Variants in SNX9 observed in about 807,000 individuals in gnomAD.
SNX9 encodes the protein sorting nexin 9, also known as sorting nexin-9.
A neutral mutation model predicts 89.4 loss-of-function variants in SNX9; 44 were observed. That is an observed-to-expected ratio of 0.49 (90% confidence interval 0.39 to 0.63). The LOEUF is 0.63. Among genes scored for constraint, SNX9 ranks in the 30% least tolerant of loss-of-function variants. The pLI is 0.00. For synonymous variants in SNX9, 236 were observed against 247.8 expected (o/e 0.95, Z 0.45); for missense variants, 578 against 736.1 (o/e 0.79, Z 2.49).
At chr6:157,834,152 T>TTTTTTG in intron 1 of SNX9, among the ~76,000 whole-genome samples, 1 of 59,110 alleles carries the variant, frequency 1.7e-5, no homozygotes, top group Non-Finnish European at 3.3e-5. Flanking sequence ...CCACTGTGGT[T>TTTTTTG]TTTTTTTTTT....
intron 1 of SNX9, among the ~76,000 whole-genome samples, chr6:157,835,458 G>A (rs1781564957): frequency 6.8e-6 from 1 of 147,792 alleles, no homozygotes; most frequent in African/African-American, 2.5e-5. Context: ...TGTTGCCCAG[G>A]CTGGAGTCCA....
intron 2 of SNX9, among the ~76,000 whole-genome samples, chr6:157,872,213 T>C (rs1782427221): frequency 6.6e-6 from 1 of 152,192 alleles, no homozygotes; most frequent in African/African-American, 2.4e-5. Context: ...AATATTTAGA[T>C]AAAGTTTCTT....
chr6:157,902,750 C>A (rs1395750750), intron 6 of SNX9, among the ~76,000 whole-genome samples: 1 of 152,154 alleles, frequency 6.6e-6, no homozygotes, highest in Non-Finnish European at 1.5e-5. Flanking sequence ...TCACTGCAAC[C>A]CCAACGTCCC....
intron 1 of SNX9, among the ~76,000 whole-genome samples, chr6:157,864,004 A>G (rs1163984573): frequency 6.6e-6 from 1 of 152,170 alleles, no homozygotes; most frequent in Non-Finnish European, 1.5e-5. Flanking sequence ...GTTTATAAAC[A>G]TTTTTCTGTG....
intron 7 of SNX9, among the ~76,000 whole-genome samples, chr6:157,906,776 A>G (rs551748498): frequency 1.3e-5 from 2 of 152,280 alleles, no homozygotes; most frequent in South Asian, 4.1e-4. Context: ...GTTTCATTCC[A>G]CATTTTGATT....
At chr6:157,887,278 G>A (rs1372052783) in intron 4 of SNX9, among the ~76,000 whole-genome samples, 1 of 152,166 alleles carries the variant, frequency 6.6e-6, no homozygotes, top group African/African-American at 2.4e-5. Context: ...TGTACCCGAT[G>A]CCCCGTGAAT....
intron 9 of SNX9, among the ~76,000 whole-genome samples, chr6:157,911,835 T>G (rs911717831): frequency 1.3e-5 from 2 of 152,256 alleles, no homozygotes; most frequent in African/African-American, 4.8e-5. Flanking sequence ...AAAAGAAGTT[T>G]TGATTTTGAT....
intron 9 of SNX9, among the ~76,000 whole-genome samples, chr6:157,916,990 T>TA (rs760895769): frequency 3.7e-4 from 56 of 152,350 alleles, no homozygotes; most frequent in Non-Finnish European, 7.2e-4. Context: ...GATACTGTTC[T>TA]ATAAGTGTTT....
chr6:157,842,862 G>T (rs1375147888), intron 1 of SNX9, among the ~76,000 whole-genome samples: 1 of 152,184 alleles, frequency 6.6e-6, no homozygotes, highest in Non-Finnish European at 1.5e-5. Context: ...CCCCGAAATT[G>T]TAATTTCTTG....
chr6:157,896,923 G>A lies in SNX9; in HGVS notation c.397G>A (p.Gly133Arg). ...EGWGAQPEGA[G>R]AQRNTNTPNN... ...CTGGGGGGCCCAGCCAGAGGGGGCT[G>A]GAGCCCAAAGAAACACAAACACTCC... Residue 133 changes from glycine to arginine, a missense_variant, in exon 5 of 18, where the codon GGA (glycine) becomes AGA (arginine). Physicochemically the swap from Gly to Arg is moderately radical, Grantham distance 125. This residue lies in a region of SNX9 where 230 missense variants were observed against 244.7 expected (regional missense o/e 0.94). Coordinates refer to ENST00000392185, the MANE Select transcript of SNX9 (RefSeq NM_016224.5). 3 of 1,613,044 alleles carry A rather than the reference G, an allele frequency of 1.9e-6. No individual in the cohort carries two copies. The highest frequency in any genetic ancestry group is 2.2e-5 in the East Asian group (1 of 44,858).
At position 157,852,680 on chromosome 6, in the gene SNX9, G is replaced by A. The variant is rs182821290; in HGVS notation, c.13-14867G>A. Among the ~76,000 whole-genome samples, 6 of 152,194 alleles carry A rather than the reference G, an allele frequency of 3.9e-5. No homozygotes were observed. In the East Asian group the frequency reaches 5.8e-4, roughly 15 times the overall value. The stretch of plus-strand genomic sequence containing the variant: ...TGCAGCCTCAACCTCCTGTTTAAGC[G>A]ATCCTCCCACTTCTACCTGCCAAGT... On this transcript the variant is annotated intron_variant, in intron 1 of 17. Transcript: ENST00000392185.
chr6:157,870,681 A>T (rs1782386017), intron 2 of SNX9, among the ~76,000 whole-genome samples: 1 of 146,000 alleles, frequency 6.8e-6, no homozygotes, highest in Non-Finnish European at 1.5e-5. Context: ...GTGCAAGCAC[A>T]TACACCCTGC....
intron 1 of SNX9, among the ~76,000 whole-genome samples, chr6:157,832,668 C>T (rs1360238751): frequency 6.6e-6 from 1 of 152,100 alleles, no homozygotes; most frequent in African/African-American, 2.4e-5. Context: ...CACATGGCAG[C>T]AGGAAGAAGT....
intron 4 of SNX9, among the ~76,000 whole-genome samples, chr6:157,878,590 G>T (rs567050481): frequency 6.6e-6 from 1 of 152,018 alleles, no homozygotes; most frequent in Non-Finnish European, 1.5e-5. Context: ...CCGCCACTAC[G>T]CCCAGGTAAT....
At chr6:157,932,557 A>T (rs1783833212) in intron 13 of SNX9, among the ~76,000 whole-genome samples, 1 of 152,026 alleles carries the variant, frequency 6.6e-6, no homozygotes, top group African/African-American at 2.4e-5. Flanking sequence ...TTCTCTGCCA[A>T]GTCTTCCTGT....
In SNX9 at chr6:157,823,398, A is replaced by G; in HGVS notation, c.-37A>G. On this transcript the variant is annotated 5_prime_UTR_variant, in exon 1 of 18. Coordinates refer to ENST00000392185, the MANE Select transcript of SNX9 (RefSeq NM_016224.5). The surrounding 1 kb of genome is among the most constrained non-coding windows in gnomAD (Gnocchi z 4.6). ...AGAATCACCATCCGCGGCGCGGGAGACGAGCCGGCCGTCCCGGGCCGGGGG... is the reference window on the plus strand; with the variant it reads ...AGAATCACCATCCGCGGCGCGGGAGGCGAGCCGGCCGTCCCGGGCCGGGGG... 7.9e-7 allele frequency: 1 copy of G among 1,269,432 alleles called. No individual in the cohort carries two copies. The highest frequency in any genetic ancestry group is 1.6e-5 in the African/African-American group (1 of 62,750). 78.6% of individuals were successfully genotyped at this position (1,269,432 alleles called of 1,614,324 possible).
intron 10 of SNX9, among the ~76,000 whole-genome samples, chr6:157,926,547 T>C (rs11753803): frequency 0.23 from 35,141 of 151,904 alleles, 4,232 homozygotes; most frequent in African/African-American, 0.28. Context: ...TTTTGGAGGC[T>C]GAGGTGGGCA....
rs541050178 is a variant in SNX9, at chr6:157,840,359, T to C, written c.12+16913T>C. ...TGACATTTATTTGGCAATAAAACCA[T>C]TGGAGGGTTTTCACCACACCCAAAA... On this transcript the variant is annotated intron_variant, in intron 1 of 17. Coordinates refer to ENST00000392185, the MANE Select transcript of SNX9 (RefSeq NM_016224.5). 3.3e-5 allele frequency among the ~76,000 whole-genome samples: 5 copies of C among 152,158 alleles called. No homozygotes were observed. In the South Asian group the frequency reaches 8.3e-4, roughly 25 times the overall value.
chr6:157,914,616 A>G (rs1281503048), intron 9 of SNX9, among the ~76,000 whole-genome samples: 1 of 151,640 alleles, frequency 6.6e-6, no homozygotes, highest in African/African-American at 2.4e-5. Flanking sequence ...AGCTGGGACT[A>G]CAGGCTCTCA....
Sources: allele counts gnomAD v4.1 joint callset (sites outside exome capture counted in the v4.1 genomes callset), GRCh38; gene constraint gnomAD v4.1.1; regional missense constraint gnomAD v4.1.1; non-coding constraint Gnocchi (gnomAD v3.1); transcripts MANE v1.5; gene names NCBI Gene and HGNC (gene_info 2026-07-23, HGNC 2026-07-21).